The following PCBP3 variants were observed in gnomAD, a reference collection of about 807,000 sequenced individuals.
The protein encoded by PCBP3 is poly(rC) binding protein 3.
PCBP3 carries 25 observed loss-of-function variants against 52.7 expected under a neutral mutation model. The observed-to-expected ratio is 0.47, with a 90% CI of 0.35 to 0.66. The LOEUF (loss-of-function observed/expected upper bound fraction) is 0.66, where lower values mean the gene tolerates loss of function less well. Among genes scored for constraint, PCBP3 ranks in the 30% least tolerant of loss-of-function variants. The pLI, the probability that PCBP3 is intolerant of heterozygous loss-of-function variation, is 0.01. For synonymous variants in PCBP3, 162 were observed against 183.0 expected (o/e 0.89, Z 0.93); for missense variants, 391 against 490.3 (o/e 0.80, Z 1.91).
intron 2 of PCBP3, among the ~76,000 whole-genome samples, chr21:45,692,169 A>C (rs1184956894): frequency 6.6e-6 from 1 of 152,214 alleles, no homozygotes; most frequent in Non-Finnish European, 1.5e-5. Context: ...AGAATCCAGG[A>C]AGGCCACTCT....
At chr21:45,908,420 C>T (rs2096259521) in intron 9 of PCBP3, among the ~76,000 whole-genome samples, 1 of 152,242 alleles carries the variant, frequency 6.6e-6, no homozygotes, top group African/African-American at 2.4e-5. Context: ...AAAGGGGACA[C>T]CATCCTATTT....
chr21:45,859,425 C>T (rs1454665414), intron 5 of PCBP3, among the ~76,000 whole-genome samples: 23 of 152,206 alleles, frequency 1.5e-4, no homozygotes. Flanking sequence ...GGGATGAATC[C>T]ATTTCACACT....
chr21:45,695,705 T>C (rs1459872260), intron 2 of PCBP3, among the ~76,000 whole-genome samples: 1 of 152,322 alleles, frequency 6.6e-6, no homozygotes, highest in African/African-American at 2.4e-5. Context: ...ACTTCTGTAA[T>C]TATTGTCTCC....
chr21:45,790,351 G>A (rs890013934), intron 4 of PCBP3, among the ~76,000 whole-genome samples: 1 of 152,128 alleles, frequency 6.6e-6, no homozygotes, highest in African/African-American at 2.4e-5. Context: ...CTCTAGGCCC[G>A]ATTAGCAGGA....
chr21:45,817,752 T>C lies in PCBP3; in HGVS notation c.-125-32209T>C, dbSNP rs1028897132. Among the ~76,000 whole-genome samples the C allele has an allele frequency of 3.3e-5, 5 of 152,258 alleles. No homozygotes were observed. The highest frequency in any genetic ancestry group is 1.5e-5 in the Non-Finnish European group (1 of 68,042). On this transcript the variant is annotated intron_variant, in intron 4 of 17. Transcript: ENST00000681687. The surrounding 1 kb of genome is among the most constrained non-coding windows in gnomAD (Gnocchi z 4.3). ...TGTCCAATTCTTAAGGTTTTTACTGTGGGATCATAAGTCCTTACTCCTTCA... is the reference window on the plus strand; with the variant it reads ...TGTCCAATTCTTAAGGTTTTTACTGCGGGATCATAAGTCCTTACTCCTTCA...
At chr21:45,646,637 A>C (rs917556678) in intron 1 of PCBP3, among the ~76,000 whole-genome samples, 3 of 152,328 alleles carry the variant, frequency 2.0e-5, no homozygotes, top group South Asian at 2.1e-4. Flanking sequence ...AATCCATTTT[A>C]TGAGGGCAGA....
At chr21:45,657,517 C>G (rs2080095625) in intron 1 of PCBP3, among the ~76,000 whole-genome samples, 2 of 152,198 alleles carry the variant, frequency 1.3e-5, no homozygotes, top group Non-Finnish European at 2.9e-5. Flanking sequence ...ATGTCTCTCT[C>G]TATGCCAGCA....
At position 45,704,752 on chromosome 21, in the gene PCBP3, C is replaced by G. The variant is rs1176430729; in HGVS notation, c.-199-30640C>G. Among the ~76,000 whole-genome samples the G allele has an allele frequency of 6.6e-6, 1 of 152,128 alleles. No individual in the cohort carries two copies. Among genetic ancestry groups the G allele is most frequent in the Non-Finnish European group, 1.5e-5 (1 of 68,032 alleles). On this transcript the variant is annotated intron_variant, in intron 2 of 17. Transcript: ENST00000681687. The surrounding 1 kb of genome is among the most constrained non-coding windows in gnomAD (Gnocchi z 4.1). ...ACAGAAGTTGCTGCTGGCAGAGTTCCAAAACATGAAAATGTAAAATGGAAT... is the reference window on the plus strand; with the variant it reads ...ACAGAAGTTGCTGCTGGCAGAGTTCGAAAACATGAAAATGTAAAATGGAAT...
intron 7 of PCBP3, among the ~76,000 whole-genome samples, chr21:45,899,912 C>A (rs1023880062): frequency 6.6e-6 from 1 of 152,184 alleles, no homozygotes; most frequent in African/African-American, 2.4e-5. Context: ...GGTTGAAGAC[C>A]CCACGAAGAA....
intron 5 of PCBP3, among the ~76,000 whole-genome samples, chr21:45,868,918 C>G (rs1048833029): frequency 2.0e-5 from 3 of 152,232 alleles, no homozygotes; most frequent in African/African-American, 7.2e-5. Flanking sequence ...GATCCTGCCA[C>G]AGCAAAGCTC....
chr21:45,825,881 A>G (rs1365696000), intron 4 of PCBP3, among the ~76,000 whole-genome samples: 1 of 152,180 alleles, frequency 6.6e-6, no homozygotes, highest in Non-Finnish European at 1.5e-5. Context: ...ATAAATCCAA[A>G]TGACTTTTTC....
rs57864348 is a variant in PCBP3 at position 45,786,129 on chromosome 21, T to TAAAA, written c.-126+30681_-126+30684dup. Among the ~76,000 whole-genome samples, 969 of 111,504 alleles carry TAAAA rather than the reference T, an allele frequency of 8.7e-3. 6 individuals carry two copies. Among genetic ancestry groups the TAAAA allele is most frequent in the African/African-American group, 0.019 (484 of 25,622 alleles). 73.2% of individuals were successfully genotyped at this position (111,504 alleles called of 152,430 possible). A position where few individuals can be genotyped will look rare whatever the true frequency, so the allele number is the denominator to read the frequency against. The stretch of plus-strand genomic sequence containing the variant: ...GCGAGAAACACCCAAGAATGATCAA[T>TAAAA]AAAAAAATAAATAAATAAATAAATA... On this transcript the variant is annotated intron_variant, in intron 4 of 17. Transcript: ENST00000681687.
At chr21:45,884,293 T>G (rs2095468156) in intron 5 of PCBP3, among the ~76,000 whole-genome samples, 1 of 152,210 alleles carries the variant, frequency 6.6e-6, no homozygotes, top group Non-Finnish European at 1.5e-5. Context: ...TTTTTCTTTC[T>G]TCCTGTGAGT....
intron 1 of PCBP3, among the ~76,000 whole-genome samples, chr21:45,655,363 C>T (rs117832240): frequency 2.0e-5 from 3 of 151,932 alleles, no homozygotes; most frequent in Non-Finnish European, 4.4e-5. Flanking sequence ...AAATGCTGCA[C>T]CATTTTATAT....
chr21:45,901,940 C>T (rs1270791734), intron 9 of PCBP3, among the ~76,000 whole-genome samples: 1 of 152,174 alleles, frequency 6.6e-6, no homozygotes, highest in East Asian at 1.9e-4. Flanking sequence ...AAACAAAGAC[C>T]CCTCCAAGGG....
chr21:45,806,736 A>C (rs1165173799), intron 4 of PCBP3, among the ~76,000 whole-genome samples: 1 of 152,012 alleles, frequency 6.6e-6, no homozygotes, highest in East Asian at 1.9e-4. Flanking sequence ...CAGAGTCCCC[A>C]CACCCCACGG....
At chr21:45,915,837 T>C (rs2149322374) in intron 12 of PCBP3, 1 of 152,456 alleles carries the variant, frequency 6.6e-6, no homozygotes, top group Middle Eastern at 3.4e-3. Context: ...AACCCAGAAG[T>C]GTGGGCCGGA....
intron 7 of PCBP3, among the ~76,000 whole-genome samples, chr21:45,900,252 C>T (rs1181807195): frequency 1.3e-5 from 2 of 152,218 alleles, no homozygotes; most frequent in Admixed American, 6.5e-5. Context: ...AGAGTGTAGC[C>T]GGCAATGCGG....
At chr21:45,719,087 G>T (rs898289232) in intron 2 of PCBP3, among the ~76,000 whole-genome samples, 2 of 152,094 alleles carry the variant, frequency 1.3e-5, no homozygotes, top group East Asian at 1.9e-4. Flanking sequence ...AGAAATTTCC[G>T]TCTTGGGTTA....
Sources: gnomAD v4.1 joint callset for allele counts (sites outside exome capture counted in the v4.1 genomes callset) on GRCh38, gnomAD v4.1.1 for gene constraint, Gnocchi (gnomAD v3.1) non-coding constraint, MANE v1.5 for transcripts, NCBI Gene and HGNC (gene_info 2026-07-23, HGNC 2026-07-21) for gene names.